HSD17B12: variants seen among roughly 807,000 people sequenced by gnomAD.
HSD17B12 encodes the protein very-long-chain 3-oxoacyl-CoA reductase.
In HSD17B12, 32 loss-of-function variants were observed where a neutral mutation model predicts 39.3. The observed-to-expected ratio is 0.81, with a 90% CI of 0.61 to 1.09. The LOEUF is 1.09. HSD17B12 is among the 50% of genes least tolerant of loss of function. The pLI is 0.00. For missense variants in HSD17B12, 342 were observed against 382.9 expected (o/e 0.89, Z 0.89); for synonymous variants, 150 against 146.7 (o/e 1.02, Z -0.16).
At chr11:43,677,514 C>A (rs1019241342), upstream of HSD17B12, among the ~76,000 whole-genome samples, 1 of 152,134 alleles carries the variant, frequency 6.6e-6, no homozygotes, top group African/African-American at 2.4e-5. Flanking sequence ...CATATGTATA[C>A]ATGTGCCATG....
intron 1 of HSD17B12, among the ~76,000 whole-genome samples, chr11:43,746,215 C>G (rs1950411478): frequency 2.6e-5 from 4 of 152,140 alleles, no homozygotes; most frequent in Non-Finnish European, 5.9e-5. Context: ...TCTTTAATAA[C>G]TAGCTTACTG....
At chr11:43,616,797 T>TAAA in the HSD17B12 span, among the ~76,000 whole-genome samples, 19 of 59,724 alleles carry the variant, frequency 3.2e-4, 2 homozygotes, top group East Asian at 2.7e-3. Context: ...GTGCCCAAAC[T>TAAA]AAAAAAAAAA....
chr11:43,708,033 C>A (rs1950031075), intron 1 of HSD17B12, among the ~76,000 whole-genome samples: 1 of 152,114 alleles, frequency 6.6e-6, no homozygotes. Flanking sequence ...GCATTAATCC[C>A]ATTAATAATT....
chr11:43,739,677 T>C (rs1213867936), intron 1 of HSD17B12, among the ~76,000 whole-genome samples: 2 of 123,434 alleles, frequency 1.6e-5, no homozygotes, highest in Non-Finnish European at 3.4e-5. Context: ...CACTTCTTAC[T>C]ACTGTCACAT....
the HSD17B12 span, among the ~76,000 whole-genome samples, chr11:43,631,698 A>C: frequency 1.3e-5 from 2 of 148,270 alleles, no homozygotes; most frequent in Admixed American, 6.7e-5. Flanking sequence ...TCCCTCCTTC[A>C]TTTCTTTCAT....
At chr11:43,654,202 A>T in the HSD17B12 span, among the ~76,000 whole-genome samples, 1 of 152,182 alleles carries the variant, frequency 6.6e-6, no homozygotes, top group Non-Finnish European at 1.5e-5. Flanking sequence ...TCTTTTGAGA[A>T]GTGTCTGTTC....
At chr11:43,775,414 C>T (rs1351278061) in intron 3 of HSD17B12, among the ~76,000 whole-genome samples, 2 of 152,122 alleles carry the variant, frequency 1.3e-5, no homozygotes, top group Non-Finnish European at 2.9e-5. Context: ...TGCCCAACTA[C>T]AGAGCGTGCT....
At chr11:43,678,675 C>G (rs1354679944), upstream of HSD17B12, among the ~76,000 whole-genome samples, 1 of 152,170 alleles carries the variant, frequency 6.6e-6, no homozygotes, top group African/African-American at 2.4e-5. Flanking sequence ...TTCCCAGCAC[C>G]ATTTATTAAA....
intron 4 of HSD17B12, among the ~76,000 whole-genome samples, chr11:43,808,970 G>T (rs917310032): frequency 6.6e-6 from 1 of 152,154 alleles, no homozygotes; most frequent in African/African-American, 2.4e-5. Context: ...TGTAAGAGTG[G>T]ATCTAATTGA....
intron 1 of HSD17B12, chr11:43,733,951 A>G (rs1401819050): frequency 1.1e-5 from 8 of 702,472 alleles, no homozygotes; most frequent in African/African-American, 3.5e-5. Context: ...ACAGAAACCA[A>G]TTATCTTTGC....
the HSD17B12 span, among the ~76,000 whole-genome samples, chr11:43,674,108 G>T: frequency 6.6e-6 from 1 of 152,134 alleles, no homozygotes; most frequent in Non-Finnish European, 1.5e-5. Context: ...TCAGGATCTG[G>T]TTCCAGATTT....
At chr11:43,666,347 G>T in the HSD17B12 span, among the ~76,000 whole-genome samples, 1 of 152,108 alleles carries the variant, frequency 6.6e-6, no homozygotes, top group Admixed American at 6.6e-5. Flanking sequence ...TGGGACCTTA[G>T]GCACACACCA....
chr11:43,705,803 C>T (rs901720535), intron 1 of HSD17B12, among the ~76,000 whole-genome samples: 10 of 106,832 alleles, frequency 9.4e-5, no homozygotes, highest in Non-Finnish European at 5.1e-5. Flanking sequence ...GGGTCTTGCT[C>T]TGTCACCCAG....
chr11:43,771,462 CTT>C (rs34783257), intron 3 of HSD17B12, among the ~76,000 whole-genome samples: 1 of 90,626 alleles, frequency 1.1e-5, no homozygotes, highest in Non-Finnish European at 2.0e-5. Flanking sequence ...GACTCATATT[CTT>C]TTTTTTTTTT....
the HSD17B12 span, among the ~76,000 whole-genome samples, chr11:43,672,737 C>A: frequency 2.0e-5 from 3 of 151,950 alleles, no homozygotes; most frequent in Non-Finnish European, 2.9e-5. Context: ...GATGGGGTTT[C>A]ACCATGTTGG....
chr11:43,831,195 A>G lies in HSD17B12; in HGVS notation c.536+185A>G. On this transcript the variant is annotated intron_variant, in intron 7 of 10. Transcript: ENST00000278353. The surrounding 1 kb of genome is among the most constrained non-coding windows in gnomAD (Gnocchi z 4.1). Reference sequence around the variant, plus strand: ...GTCATCGGTGGTGGAGGCCTTTTCCACTCGATTCCCTTTTTATTTCTCTCT... The same window carrying G: ...GTCATCGGTGGTGGAGGCCTTTTCCGCTCGATTCCCTTTTTATTTCTCTCT... 2.3e-6 allele frequency: 1 copy of G among 439,862 alleles called. No homozygotes were observed. The highest frequency in any genetic ancestry group is 4.0e-6 in the Non-Finnish European group (1 of 247,142). 27.2% of individuals were successfully genotyped at this position (439,862 alleles called of 1,614,324 possible).
At chr11:43,694,783 T>TA (rs1481858680) in intron 1 of HSD17B12, among the ~76,000 whole-genome samples, 1 of 152,190 alleles carries the variant, frequency 6.6e-6, no homozygotes, top group Non-Finnish European at 1.5e-5. Flanking sequence ...TCATTAACGT[T>TA]ACATTCTAGG....
chr11:43,807,980 G>A (rs778996252), intron 4 of HSD17B12, among the ~76,000 whole-genome samples: 3 of 152,188 alleles, frequency 2.0e-5, no homozygotes, highest in Non-Finnish European at 2.9e-5. Context: ...ACAAGAAACA[G>A]TTACAGAGTT....
the HSD17B12 span, among the ~76,000 whole-genome samples, chr11:43,558,720 G>C: frequency 6.6e-6 from 1 of 152,066 alleles, no homozygotes; most frequent in Non-Finnish European, 1.5e-5. Flanking sequence ...AATTCTGAAG[G>C]AGTAAGGTAG....
Sources: allele counts gnomAD v4.1 joint callset (sites outside exome capture counted in the v4.1 genomes callset), GRCh38; gene constraint gnomAD v4.1.1; non-coding constraint Gnocchi (gnomAD v3.1); transcripts MANE v1.5; gene names NCBI Gene and HGNC (gene_info 2026-07-23, HGNC 2026-07-21).